The following B4GALT6 variants were observed in gnomAD, a reference collection of about 807,000 sequenced individuals.
B4GALT6 encodes the protein beta-1,4-galactosyltransferase 6.
In B4GALT6, 14 loss-of-function variants were observed where a neutral mutation model predicts 46.3. That is an observed-to-expected ratio of 0.30 (90% confidence interval 0.20 to 0.47). B4GALT6 has a LOEUF of 0.47. Ranked by LOEUF, B4GALT6 falls within the 20% of genes least tolerant of loss-of-function variation. B4GALT6 has a pLI of 0.99. For missense variants in B4GALT6, 386 were observed against 480.1 expected, an observed-to-expected ratio of 0.80 and a Z score of 1.83; for synonymous variants, 168 against 162.0, an observed-to-expected ratio of 1.04 and a Z score of -0.28.
At chr18:31,686,587 ACAACT>A (rs1483652539), upstream of B4GALT6, 3 of 152,246 alleles carry the variant, frequency 2.0e-5, no homozygotes, top group Non-Finnish European at 4.4e-5. Context: ...TGGAGTACTC[ACAACT>A]CAACTTCTCT....
At position 31,684,410 on chromosome 18, in the gene B4GALT6, C is replaced by A; in HGVS notation, c.17G>T (p.Arg6Leu). The change falls in exon 1 of 9, where the codon CGG (arginine) becomes CTG (leucine). Residue 6 changes from arginine (R) to leucine (L), a missense_variant. Arg to Leu is a moderately radical substitution (Grantham distance 102). Around this residue, in one of 2 missense-constraint regions of B4GALT6, gnomAD observed 63 missense variants for 41.3 expected, o/e 1.53. Transcript: ENST00000306851. MSVLRRMMRVSNRSLL... is the reference protein window; with the variant it reads MSVLRLMMRVSNRSLL... The stretch of plus-strand genomic sequence containing the variant: ...AGAGCGATTGGAAACCCGCATCATC[C>A]GCCTGAGCACAGACATCTTCCTCTT... The A allele has an allele frequency of 6.2e-7, 1 of 1,613,652 alleles. No individual in the cohort carries two copies. The highest frequency in any genetic ancestry group is 8.5e-7 in the Non-Finnish European group (1 of 1,179,778).
the B4GALT6 span, among the ~76,000 whole-genome samples, chr18:31,712,304 T>A: frequency 6.0e-5 from 8 of 133,234 alleles, no homozygotes; most frequent in Middle Eastern, 3.6e-3. Context: ...TTTTTTTTTT[T>A]TTTTTTTTTT....
intron 1 of B4GALT6, among the ~76,000 whole-genome samples, chr18:31,673,829 G>A (rs950949319): frequency 6.6e-6 from 1 of 152,104 alleles, no homozygotes; most frequent in Non-Finnish European, 1.5e-5. Context: ...TAAGGATTCT[G>A]AGATGAGGAG....
chr18:31,645,042 C>T (rs1456688857), intron 4 of B4GALT6, among the ~76,000 whole-genome samples: 1 of 152,178 alleles, frequency 6.6e-6, no homozygotes, highest in Non-Finnish European at 1.5e-5. Context: ...AACTCACAGC[C>T]TCTCTTCCAA....
chr18:31,710,814 C>CCA, the B4GALT6 span, among the ~76,000 whole-genome samples: 2,973 of 140,198 alleles, frequency 0.021, 81 homozygotes, highest in African/African-American at 0.058. Context: ...CCTGAATACA[C>CCA]CACACACACA....
At chr18:31,658,214 A>T in intron 2 of B4GALT6, 125 bp from the exon 3 acceptor site, 1 of 672,456 alleles carries the variant, frequency 1.5e-6, no homozygotes, top group Non-Finnish European at 2.5e-6. Flanking sequence ...ACTTAAAATC[A>T]ATTATCTTTA....
chr18:31,636,412 C>T (rs577992033), intron 5 of B4GALT6, among the ~76,000 whole-genome samples: 14 of 152,272 alleles, frequency 9.2e-5, no homozygotes, highest in African/African-American at 3.4e-4. Flanking sequence ...TCTTACAACT[C>T]AGTAAAAACA....
At position 31,658,055 on chromosome 18, in the gene B4GALT6, A is replaced by G. The variant is rs752537607; in HGVS notation, c.267T>C (p.Leu89=). Residue 89 remains leucine, a synonymous_variant, in exon 3 of 9, where the codon CTT becomes CTC. Coordinates refer to ENST00000306851, the MANE Select transcript of B4GALT6 (RefSeq NM_004775.5). ...CCGGGAGATACGTTGTTGTTTGAAC[A>G]AGATAATCACTTGAATTATTGCCTT... ...YPEGNNSSDY[L]VQTTTYLPEN... The G allele has an allele frequency of 9.3e-6, 15 of 1,613,814 alleles. No homozygotes were observed. Among genetic ancestry groups the G allele is most frequent in the Non-Finnish European group, 1.3e-5 (15 of 1,179,860 alleles).
At chr18:31,690,346 C>T (rs1310419972), upstream of B4GALT6, among the ~76,000 whole-genome samples, 2 of 151,828 alleles carry the variant, frequency 1.3e-5, no homozygotes, top group African/African-American at 4.8e-5. Flanking sequence ...GGCCAAGCTG[C>T]TCTCAAACTC....
At position 31,622,408 on chromosome 18, in the gene B4GALT6, T is replaced by TC. The variant is rs773819453; in HGVS notation, c.*3205dup. 2 of 152,076 alleles carry TC rather than the reference T, an allele frequency of 1.3e-5. No homozygotes were observed. Among genetic ancestry groups the TC allele is most frequent in the Non-Finnish European group, 1.5e-5 (1 of 67,918 alleles). 9.4% of individuals were successfully genotyped at this position (152,076 alleles called of 1,614,324 possible). ...TAAATAAAATAATCTTAAGTACACT[T>TC]CCTCTTTCTGATAAACAATACTATA... On this transcript the variant is annotated 3_prime_UTR_variant, in exon 9 of 9. Coordinates refer to ENST00000306851, the MANE Select transcript of B4GALT6 (RefSeq NM_004775.5).
upstream of B4GALT6, among the ~76,000 whole-genome samples, chr18:31,689,032 G>A (rs938565960): frequency 1.3e-5 from 2 of 152,040 alleles, no homozygotes; most frequent in South Asian, 2.1e-4. Flanking sequence ...TGTACTACAT[G>A]GTACACTGAC....
At chr18:31,638,119 G>A (rs954524377) in intron 5 of B4GALT6, among the ~76,000 whole-genome samples, 9 of 151,930 alleles carry the variant, frequency 5.9e-5, no homozygotes, top group Non-Finnish European at 1.0e-4. Flanking sequence ...AAAATATAAC[G>A]AGGCTGTCAT....
the B4GALT6 span, among the ~76,000 whole-genome samples, chr18:31,694,548 G>C: frequency 1.7e-3 from 256 of 152,286 alleles, 2 homozygotes; most frequent in Middle Eastern, 6.8e-3. Flanking sequence ...GTATACCAAG[G>C]AGAGGCCATG....
the B4GALT6 span, among the ~76,000 whole-genome samples, chr18:31,721,949 T>C: frequency 6.6e-6 from 1 of 152,080 alleles, no homozygotes; most frequent in Non-Finnish European, 1.5e-5. Context: ...CCCTGATTGA[T>C]ACACTTGGCA....
chr18:31,698,544 T>A, the B4GALT6 span, among the ~76,000 whole-genome samples: 1 of 151,256 alleles, frequency 6.6e-6, no homozygotes, highest in South Asian at 2.1e-4. Flanking sequence ...GGAAGGAGAA[T>A]CTCTTGAACC....
chr18:31,666,971 A>G (rs2074290260), intron 1 of B4GALT6, among the ~76,000 whole-genome samples: 1 of 152,220 alleles, frequency 6.6e-6, no homozygotes, highest in Non-Finnish European at 1.5e-5. Context: ...GTAAAAGCAA[A>G]TAAAATCAAA....
chr18:31,700,468 T>TGTGTGTGTGAGAGA, the B4GALT6 span, among the ~76,000 whole-genome samples: 16 of 148,392 alleles, frequency 1.1e-4, no homozygotes, highest in East Asian at 2.8e-3. Flanking sequence ...TGTGTGTGTG[T>TGTGTGTGTGAGAGA]GAGAGAGAGA....
chr18:31,669,618 C>A (rs185273925), intron 1 of B4GALT6, among the ~76,000 whole-genome samples: 15 of 151,804 alleles, frequency 9.9e-5, no homozygotes, highest in Admixed American at 3.9e-4. Context: ...AGAAAAGAGA[C>A]GAAGAGAAAA....
intron 1 of B4GALT6, among the ~76,000 whole-genome samples, chr18:31,668,269 G>T (rs1292514377): frequency 3.3e-5 from 5 of 152,116 alleles, no homozygotes; most frequent in Admixed American, 2.0e-4. Context: ...GGGTACTCAT[G>T]AACAAAAGAT....
Sources: gnomAD v4.1 joint callset for allele counts (sites outside exome capture counted in the v4.1 genomes callset) on GRCh38, gnomAD v4.1.1 for gene constraint, gnomAD v4.1.1 regional missense constraint, MANE v1.5 for transcripts, NCBI Gene and HGNC (gene_info 2026-07-23, HGNC 2026-07-21) for gene names.